The following CACNA1I variants were observed in gnomAD, a reference collection of about 807,000 sequenced individuals.
CACNA1I encodes the protein calcium voltage-gated channel subunit alpha1 I.
In CACNA1I, 74 loss-of-function variants were observed where a neutral mutation model predicts 201.6. That is an observed-to-expected ratio of 0.37 (90% CI 0.30 to 0.45). The LOEUF is 0.45. Among genes scored for constraint, CACNA1I ranks in the 20% least tolerant of loss-of-function variants. The pLI is 1.00. For missense variants in CACNA1I, 2,346 were observed against 3,138.1 expected, an observed-to-expected ratio of 0.75 and a Z score of 6.03; for synonymous variants, 1,431 against 1,345.2, an observed-to-expected ratio of 1.06 and a Z score of -1.40.
chr22:39,636,490 A>G (rs1241653358), intron 5 of CACNA1I, among the ~76,000 whole-genome samples: 3 of 152,160 alleles, frequency 2.0e-5, no homozygotes, highest in African/African-American at 7.2e-5. Flanking sequence ...CACATGCCCT[A>G]TTGGGCTGGG....
At chr22:39,625,611 C>T (rs1242270831) in intron 4 of CACNA1I, among the ~76,000 whole-genome samples, 2 of 152,200 alleles carry the variant, frequency 1.3e-5, no homozygotes, top group Non-Finnish European at 2.9e-5. Context: ...GTATAAAATA[C>T]ATGTCTCTCC....
Position 39,662,353 on chromosome 22 carries a change from G to A in CACNA1I, c.3290G>A (p.Arg1097Lys). 2 of 1,487,460 alleles carry A rather than the reference G, an allele frequency of 1.3e-6. No individual in the cohort carries two copies. Among genetic ancestry groups the A allele is most frequent in the African/African-American group, 2.9e-5 (2 of 68,122 alleles). The allele number at this position is 1,487,460 out of a possible 1,614,324, so 92.1% of individuals were successfully genotyped here. ...CCCGGGCATGAGGACTGCAATGGCA[G>A]GATGCCCAGCATCGCCAAAGACGTC... is the stretch of plus-strand genomic sequence containing the variant. ...PAPGHEDCNG[R>K]MPSIAKDVFT... The change falls in exon 17 of 37, where the codon AGG (arginine) becomes AAG (lysine). Residue 1097 changes from arginine (R) to lysine (K), a missense_variant. By Grantham distance (26) the Arg-to-Lys change is conservative. This residue lies in a region of CACNA1I where 288 missense variants were observed against 255.2 expected (regional missense o/e 1.13). Coordinates refer to ENST00000402142, the MANE Select transcript of CACNA1I (RefSeq NM_021096.4).
At chr22:39,616,987 C>T (rs1933557730) in intron 3 of CACNA1I, among the ~76,000 whole-genome samples, 1 of 151,920 alleles carries the variant, frequency 6.6e-6, no homozygotes, top group Non-Finnish European at 1.5e-5. Flanking sequence ...AGGGGGTTGT[C>T]CCAAGGGCTC....
chr22:39,619,224 G>T, intron 3 of CACNA1I, 86 bp from the exon 4 acceptor site: 1 of 975,116 alleles, frequency 1.0e-6, no homozygotes, highest in Non-Finnish European at 1.6e-6. Flanking sequence ...GCAGTAGTGC[G>T]CAGGTGGCTG....
At chr22:39,624,543 C>T (rs1466253980) in intron 4 of CACNA1I, among the ~76,000 whole-genome samples, 1 of 152,254 alleles carries the variant, frequency 6.6e-6, no homozygotes, top group Non-Finnish European at 1.5e-5. Context: ...AGAACCAGCA[C>T]TGGGGAGTTA....
Position 39,662,172 on chromosome 22 carries a change from G to A in CACNA1I, c.3109G>A (p.Ala1037Thr), listed in dbSNP as rs1281702569. 2 of 1,531,726 alleles carry A rather than the reference G, an allele frequency of 1.3e-6. No individual in the cohort carries two copies. Among genetic ancestry groups the A allele is most frequent in the Non-Finnish European group, 1.8e-6 (2 of 1,142,296 alleles). The allele number at this position is 1,531,726 out of a possible 1,614,324, so 94.9% of individuals were successfully genotyped here. ...GGCCGCACCCCTGCACACCCCACAC[G>A]CCCACCACATTCATCACGGGCCCCA... ...PRAAPLHTPH[A>T]HHIHHGPHLA... is the part of the protein sequence containing the mutation. Residue 1037 changes from alanine (A) to threonine (T), a missense_variant, in exon 17 of 37, where the codon GCC becomes ACC. Physicochemically the swap from Ala to Thr is moderately conservative, Grantham distance 58. This residue lies in a region of CACNA1I where 288 missense variants were observed against 255.2 expected (regional missense o/e 1.13). Coordinates refer to ENST00000402142, the MANE Select transcript of CACNA1I (RefSeq NM_021096.4).
chr22:39,648,990 C>T lies in CACNA1I; in HGVS notation c.1568-511C>T, dbSNP rs1362694870. Reference sequence around the variant, plus strand: ...TTGCCCCAGGGCTCCATGCCTCCTCCCCTCCCTGGGAAGCAAACCTCACCC... The same window carrying T: ...TTGCCCCAGGGCTCCATGCCTCCTCTCCTCCCTGGGAAGCAAACCTCACCC... On this transcript the variant is annotated intron_variant, in intron 9 of 36. Coordinates refer to ENST00000402142, the MANE Select transcript of CACNA1I (RefSeq NM_021096.4). This position sits in a 1 kb window ranked among gnomAD's most constrained non-coding sequence, Gnocchi z 5.4. Among the ~76,000 whole-genome samples the T allele has an allele frequency of 6.6e-6, 1 of 152,176 alleles. No individual in the cohort carries two copies. The highest frequency in any genetic ancestry group is 1.5e-5 in the Non-Finnish European group (1 of 68,024).
intron 10 of CACNA1I, among the ~76,000 whole-genome samples, chr22:39,656,002 A>G (rs866322733): frequency 3.3e-5 from 5 of 152,152 alleles, no homozygotes; most frequent in Non-Finnish European, 7.4e-5. Flanking sequence ...GACATCGCTT[A>G]CTGGGCTGGC....
At chr22:39,615,272 G>T (rs1465643423) in intron 3 of CACNA1I, among the ~76,000 whole-genome samples, 1 of 152,178 alleles carries the variant, frequency 6.6e-6, no homozygotes, top group Admixed American at 6.5e-5. Context: ...ATGGACGGAG[G>T]CCACATTATG....
At position 39,666,823 on chromosome 22, in the gene CACNA1I, G is replaced by A. The variant is rs1248516925; in HGVS notation, c.4104+817G>A. Among the ~76,000 whole-genome samples the A allele has an allele frequency of 6.6e-6, 1 of 152,188 alleles. No homozygotes were observed. Among genetic ancestry groups the A allele is most frequent in the Non-Finnish European group, 1.5e-5 (1 of 68,020 alleles). On this transcript the variant is annotated intron_variant, in intron 23 of 36. Coordinates refer to ENST00000402142, the MANE Select transcript of CACNA1I (RefSeq NM_021096.4). The surrounding 1 kb of genome is among the most constrained non-coding windows in gnomAD (Gnocchi z 4.1). ...AGCCACAGGGCCTTGGAGGGGTAGT[G>A]AGTGCCCAGGGAAAGGGTGTCAGGA...
At chr22:39,683,633 A>G (rs543248818) in intron 35 of CACNA1I, among the ~76,000 whole-genome samples, 1 of 152,254 alleles carries the variant, frequency 6.6e-6, no homozygotes, top group African/African-American at 2.4e-5. Flanking sequence ...TCTTGGGTAC[A>G]TTTTTCCATT....
intron 7 of CACNA1I, chr22:39,643,389 TG>T (rs1184409188): frequency 6.4e-6 from 1 of 157,396 alleles, no homozygotes; most frequent in African/African-American, 2.4e-5. Flanking sequence ...CCTGCCTTGT[TG>T]GGGTAACCTG....
intron 1 of CACNA1I, among the ~76,000 whole-genome samples, chr22:39,597,595 G>A (rs142847380): frequency 3.9e-5 from 6 of 152,370 alleles, no homozygotes; most frequent in Non-Finnish European, 7.3e-5. Flanking sequence ...TGGGCTTGGT[G>A]CGGGTGTTTT....
In CACNA1I at chr22:39,677,478, G is replaced by A; in HGVS notation, c.4933+59G>A. The A allele has an allele frequency of 4.2e-6, 5 of 1,204,568 alleles. No homozygotes were observed. The highest frequency in any genetic ancestry group is 2.5e-5 in the Admixed American group (1 of 40,296). 74.6% of individuals were successfully genotyped at this position (1,204,568 alleles called of 1,614,324 possible). A position where few individuals can be genotyped will look rare whatever the true frequency, so the allele number is the denominator to read the frequency against. ...GTGCAGCAGGGCTGCAGGAGGAACTGGGGGGGCGGGGGAGGCCTGAGACCC... is the reference window on the plus strand; with the variant it reads ...GTGCAGCAGGGCTGCAGGAGGAACTAGGGGGGCGGGGGAGGCCTGAGACCC... On this transcript the variant is annotated intron_variant, in intron 30 of 36. Transcript: ENST00000402142. The surrounding 1 kb of genome is among the most constrained non-coding windows in gnomAD (Gnocchi z 4.8).
chr22:39,664,720 GGCCCCACCCCC>G lies in CACNA1I; in HGVS notation c.3667-12_3667-2del. ...GCCCCTCCCGCGGCAGCCTGACCCC[GGCCCCACCCCC>G]GCCCCAGGTAGTCTCGCTGGGCCTG... On this transcript the variant is annotated splice_region_variant and splice_polypyrimidine_tract_variant and intron_variant, in intron 20 of 36. Coordinates refer to ENST00000402142, the MANE Select transcript of CACNA1I (RefSeq NM_021096.4). The G allele has an allele frequency of 4.5e-6, 2 of 447,180 alleles. No homozygotes were observed. The highest frequency in any genetic ancestry group is 6.7e-6 in the Non-Finnish European group (2 of 298,624). 27.7% of individuals were successfully genotyped at this position (447,180 alleles called of 1,614,324 possible). A position where few individuals can be genotyped will look rare whatever the true frequency, so the allele number is the denominator to read the frequency against.
chr22:39,659,792 C>G lies in CACNA1I; in HGVS notation c.2544C>G (p.Phe848Leu). The G allele has an allele frequency of 6.2e-7, 1 of 1,613,930 alleles. No homozygotes were observed. The highest frequency in any genetic ancestry group is 8.5e-7 in the Non-Finnish European group (1 of 1,179,880). The change falls in exon 14 of 37, where the codon TTC becomes TTG. Residue 848 changes from phenylalanine (F) to leucine (L), a missense_variant. Physicochemically the swap from Phe to Leu is conservative, Grantham distance 22. This residue lies in a region of CACNA1I where 155 missense variants were observed against 300.8 expected (regional missense o/e 0.52). Transcript: ENST00000402142. This position sits in a 1 kb window ranked among gnomAD's most constrained non-coding sequence, Gnocchi z 4.3. ...ASLYFVALMT[F>L]GNYVLFNLLV... Reference sequence around the variant, plus strand: ...TCTACTTTGTCGCCCTCATGACCTTCGGCAACTATGTGCTCTTCAACCTGC... The same window carrying G: ...TCTACTTTGTCGCCCTCATGACCTTGGGCAACTATGTGCTCTTCAACCTGC...
At chr22:39,626,835 TC>T (rs1215579049) in intron 4 of CACNA1I, among the ~76,000 whole-genome samples, 1 of 152,170 alleles carries the variant, frequency 6.6e-6, no homozygotes, top group East Asian at 1.9e-4. Flanking sequence ...GACCTTGAGA[TC>T]CGCCTGATAA....
At position 39,647,805 on chromosome 22, in the gene CACNA1I, T is replaced by C. The variant is rs757262271; in HGVS notation, c.1463-17T>C. 4.7e-6 allele frequency: 7 copies of C among 1,498,586 alleles called. No homozygotes were observed. The highest frequency in any genetic ancestry group is 5.6e-6 in the Non-Finnish European group (6 of 1,074,968). The allele number at this position is 1,498,586 out of a possible 1,614,324, so 92.8% of individuals were successfully genotyped here. A position where few individuals can be genotyped will look rare whatever the true frequency, so the allele number is the denominator to read the frequency against. On this transcript the variant is annotated splice_polypyrimidine_tract_variant and intron_variant, in intron 8 of 36. Transcript: ENST00000402142. ...CCTGAGAAGGGAGAAGATAGTAATA[T>C]TATCTCCACTTTTCAGATGGGAAGA...
chr22:39,598,738 G>A (rs1327792108), intron 2 of CACNA1I, among the ~76,000 whole-genome samples: 1 of 152,030 alleles, frequency 6.6e-6, no homozygotes, highest in Non-Finnish European at 1.5e-5. Flanking sequence ...CTTTAGGAGC[G>A]GGCCTCTGGT....
Sources: allele counts gnomAD v4.1 joint callset (sites outside exome capture counted in the v4.1 genomes callset), GRCh38; gene constraint gnomAD v4.1.1; regional missense constraint gnomAD v4.1.1; non-coding constraint Gnocchi (gnomAD v3.1); transcripts MANE v1.5; gene names NCBI Gene and HGNC (gene_info 2026-07-23, HGNC 2026-07-21).